ADAM12: variants seen among roughly 807,000 people sequenced by gnomAD.
The protein encoded by ADAM12 is ADAM metallopeptidase domain 12, also known as disintegrin and metalloproteinase domain-containing protein 12.
In ADAM12, 70 loss-of-function variants were observed where a neutral mutation model predicts 106.4. That is an observed-to-expected ratio of 0.66 (90% CI 0.54 to 0.80). The LOEUF is 0.80. Ranked by LOEUF, ADAM12 falls within the 30% of genes least tolerant of loss-of-function variation. The probability of loss-of-function intolerance (pLI) is 0.00; values close to 1 mark genes in which losing one functional copy is unlikely to be tolerated. For synonymous variants in ADAM12, 420 were observed against 433.5 expected (o/e 0.97, Z 0.39); for missense variants, 1,010 against 1,171.9 (o/e 0.86, Z 2.02).
At chr10:126,109,709 G>C in intron 7 of ADAM12, 66 bp downstream of exon 7, 5 of 1,450,504 alleles carry the variant, frequency 3.4e-6, no homozygotes, top group Non-Finnish European at 4.7e-6. Context: ...GTAATAACTT[G>C]CAAAACATGT....
At chr10:126,098,049 T>A (rs1296225140) in intron 10 of ADAM12, among the ~76,000 whole-genome samples, 3 of 152,300 alleles carry the variant, frequency 2.0e-5, no homozygotes, top group South Asian at 4.2e-4. Flanking sequence ...AACGGGAACG[T>A]CTGGTGAGAC....
At chr10:126,353,604 C>A (rs771520405) in intron 1 of ADAM12, among the ~76,000 whole-genome samples, 1 of 152,172 alleles carries the variant, frequency 6.6e-6, no homozygotes, top group Non-Finnish European at 1.5e-5. Flanking sequence ...GTATCTCAAC[C>A]TGTTTATTAA....
At chr10:126,039,723 A>G (rs1185923834) in intron 18 of ADAM12, among the ~76,000 whole-genome samples, 4 of 152,256 alleles carry the variant, frequency 2.6e-5, no homozygotes, top group South Asian at 4.1e-4. Flanking sequence ...ACAACGGCAC[A>G]GTGGACCATG....
chr10:126,121,119 A>AGTATATT (rs374650295), intron 5 of ADAM12, among the ~76,000 whole-genome samples: 2 of 69,642 alleles, frequency 2.9e-5, no homozygotes, highest in Non-Finnish European at 5.0e-5. Flanking sequence ...TAGTATATAT[A>AGTATATT]TAGTATATAT....
At chr10:126,133,678 A>T (rs1424450441) in intron 5 of ADAM12, among the ~76,000 whole-genome samples, 1 of 152,108 alleles carries the variant, frequency 6.6e-6, no homozygotes, top group African/African-American at 2.4e-5. Context: ...AGGACATCTG[A>T]TCACCTTCGT....
At chr10:126,291,595 GC>G (rs1380879735) in intron 2 of ADAM12, among the ~76,000 whole-genome samples, 2 of 152,200 alleles carry the variant, frequency 1.3e-5, no homozygotes, top group East Asian at 3.8e-4. Flanking sequence ...TGCCTGCCTG[GC>G]TGTGTCTTGA....
chr10:126,320,560 G>C (rs555006087), intron 2 of ADAM12, among the ~76,000 whole-genome samples: 1 of 152,064 alleles, frequency 6.6e-6, no homozygotes, highest in Non-Finnish European at 1.5e-5. Flanking sequence ...ATTAAGGAAC[G>C]GTCCTCACTG....
intron 3 of ADAM12, among the ~76,000 whole-genome samples, chr10:126,193,746 A>G (rs1454838114): frequency 6.6e-6 from 1 of 152,004 alleles, no homozygotes; most frequent in Non-Finnish European, 1.5e-5. Flanking sequence ...AAAATACAAA[A>G]ATTAGCTGCA....
intron 3 of ADAM12, among the ~76,000 whole-genome samples, chr10:126,266,243 C>A (rs994881271): frequency 6.6e-6 from 1 of 152,178 alleles, no homozygotes; most frequent in Non-Finnish European, 1.5e-5. Context: ...GGGGCCCTCC[C>A]ATTGCTGATG....
intron 4 of ADAM12, among the ~76,000 whole-genome samples, 169 bp from the exon 5 acceptor site, chr10:126,135,829 G>A (rs955784062): frequency 1.3e-5 from 2 of 152,200 alleles, no homozygotes; most frequent in African/African-American, 4.8e-5. Context: ...CAGGGTCTAT[G>A]TCGGGAATAT....
intron 19 of ADAM12, 54 bp downstream of exon 19, chr10:126,039,240 C>T (rs532180387): frequency 1.2e-6 from 2 of 1,601,290 alleles, no homozygotes; most frequent in Non-Finnish European, 1.7e-6. Flanking sequence ...AGCCACCGCA[C>T]CCAGCCTCTG....
chr10:126,186,610 G>T (rs914157818), intron 3 of ADAM12, among the ~76,000 whole-genome samples: 1 of 152,060 alleles, frequency 6.6e-6, no homozygotes, highest in African/African-American at 2.4e-5. Flanking sequence ...GTGACATTTG[G>T]CTGAGTGTGG....
chr10:126,054,946 G>A (rs1246012371), intron 14 of ADAM12, among the ~76,000 whole-genome samples: 3 of 152,214 alleles, frequency 2.0e-5, no homozygotes, highest in East Asian at 1.9e-4. Flanking sequence ...TCATGATCAC[G>A]TCAGTAGGGG....
Position 126,284,614 on chromosome 10 carries a change from C to T in ADAM12, c.187-5626G>A, listed in dbSNP as rs905531549. On this transcript the variant is annotated intron_variant, in intron 2 of 22. Coordinates refer to ENST00000448723, the MANE Select transcript of ADAM12 (RefSeq NM_001288973.2). The stretch of plus-strand genomic sequence containing the variant: ...TGTTACCCAGGCTGGTCTCAAACTC[C>T]TATCCTCAAGCAATCCTCCTGCCTC... 1.1e-4 allele frequency among the ~76,000 whole-genome samples: 17 copies of T among 152,120 alleles called. 1 individual carries two copies. Among genetic ancestry groups the T allele is most frequent in the African/African-American group, 3.6e-4 (15 of 41,432 alleles).
At chr10:126,301,049 A>G (rs1403682510) in intron 2 of ADAM12, among the ~76,000 whole-genome samples, 3 of 152,212 alleles carry the variant, frequency 2.0e-5, no homozygotes, top group Non-Finnish European at 4.4e-5. Flanking sequence ...GTCTAGGGAC[A>G]TTTTTGGTTG....
Position 126,057,404 on chromosome 10 carries a change from A to AC in ADAM12, c.1609+7401_1609+7402insG, listed in dbSNP as rs1275695411. Among the ~76,000 whole-genome samples, 3 of 30,916 alleles carry AC rather than the reference A, an allele frequency of 9.7e-5. 1 individual carries two copies. The highest frequency in any genetic ancestry group is 2.0e-4 in the African/African-American group (2 of 10,002). 20.3% of individuals were successfully genotyped at this position (30,916 alleles called of 152,430 possible). ...AAAAACAAAAAAACAAAAAAACAAA[A>AC]AAAAAAAACAATGCTTACTCTTATC... On this transcript the variant is annotated intron_variant, in intron 14 of 22. Transcript: ENST00000448723.
intron 3 of ADAM12, among the ~76,000 whole-genome samples, chr10:126,157,689 C>G (rs1024562262): frequency 2.6e-5 from 4 of 152,258 alleles, no homozygotes; most frequent in Non-Finnish European, 5.9e-5. Context: ...GCCCCTCACT[C>G]TCCTCAGCAG....
intron 1 of ADAM12, among the ~76,000 whole-genome samples, chr10:126,366,552 C>A (rs767586899): frequency 1.7e-4 from 26 of 151,836 alleles, no homozygotes; most frequent in Non-Finnish European, 3.4e-4. Context: ...TAAAAGACAG[C>A]AAGATAATGA....
chr10:126,050,138 G>A (rs2133440294), intron 14 of ADAM12, among the ~76,000 whole-genome samples: 1 of 152,328 alleles, frequency 6.6e-6, no homozygotes, highest in African/African-American at 2.4e-5. Flanking sequence ...TATCTTCTAT[G>A]ATATTTTTAG....
Sources: allele counts gnomAD v4.1 joint callset (sites outside exome capture counted in the v4.1 genomes callset), GRCh38; gene constraint gnomAD v4.1.1; transcripts MANE v1.5; gene names NCBI Gene and HGNC (gene_info 2026-07-23, HGNC 2026-07-21).